RBMS3: variants seen among roughly 807,000 people sequenced by gnomAD.
The protein encoded by RBMS3 is RNA binding motif single stranded interacting protein 3.
In RBMS3, 27 loss-of-function variants were observed where a neutral mutation model predicts 66.8. That is an observed-to-expected ratio of 0.40 (90% CI 0.30 to 0.56). RBMS3 has a LOEUF of 0.56. Ranked by LOEUF, RBMS3 falls within the 20% of genes least tolerant of loss-of-function variation. The pLI is 0.40. For synonymous variants in RBMS3, 188 were observed against 183.0 expected, an observed-to-expected ratio of 1.03 and a Z score of -0.22; for missense variants, 513 against 549.5, an observed-to-expected ratio of 0.93 and a Z score of 0.66.
chr3:29,591,470 CA>C (rs1403880570), intron 4 of RBMS3, among the ~76,000 whole-genome samples: 33 of 152,272 alleles, frequency 2.2e-4, no homozygotes, highest in Admixed American at 1.8e-3. Context: ...AAATACATAT[CA>C]AATCCTGCTA....
At chr3:29,327,571 A>G (rs1027375743) in intron 1 of RBMS3, among the ~76,000 whole-genome samples, 1 of 152,172 alleles carries the variant, frequency 6.6e-6, no homozygotes, top group Non-Finnish European at 1.5e-5. Flanking sequence ...TAATAGCTTA[A>G]TAGCCTAGTC....
rs573609612 is a variant in RBMS3 at position 29,351,000 on chromosome 3, G to A, written c.75+69244G>A. ...TGCCTGCTTTTCTAGAAAATATTAT[G>A]TGTATATATATATATTTGCACATAT... is the stretch of plus-strand genomic sequence containing the variant. On this transcript the variant is annotated intron_variant, in intron 1 of 14. Coordinates refer to ENST00000383767, the MANE Select transcript of RBMS3 (RefSeq NM_001003793.3). Among the ~76,000 whole-genome samples, 466 of 151,844 alleles carry A rather than the reference G, an allele frequency of 3.1e-3. 2 individuals carry two copies. Among genetic ancestry groups the A allele is most frequent in the African/African-American group, 0.01 (416 of 41,300 alleles).
At chr3:29,810,731 G>A (rs2057706652) in intron 6 of RBMS3, among the ~76,000 whole-genome samples, 1 of 152,092 alleles carries the variant, frequency 6.6e-6, no homozygotes, top group Non-Finnish European at 1.5e-5. Flanking sequence ...AAATACCATA[G>A]TAATAATTAA....
At chr3:29,452,689 C>A (rs768584380) in intron 2 of RBMS3, among the ~76,000 whole-genome samples, 1 of 152,104 alleles carries the variant, frequency 6.6e-6, no homozygotes, top group Non-Finnish European at 1.5e-5. Flanking sequence ...AATTATTTGA[C>A]ATTTATTTGC....
chr3:29,950,178 T>G (rs1295004978), intron 12 of RBMS3, among the ~76,000 whole-genome samples: 1 of 151,840 alleles, frequency 6.6e-6, no homozygotes, highest in Non-Finnish European at 1.5e-5. Flanking sequence ...GCTGGAGATA[T>G]GACTACCCTC....
intron 4 of RBMS3, among the ~76,000 whole-genome samples, chr3:29,708,800 A>T (rs572664874): frequency 6.2e-4 from 94 of 152,326 alleles, no homozygotes; most frequent in African/African-American, 2.3e-3. Context: ...AGGATGTGTG[A>T]CACTGACATG....
chr3:29,814,190 AG>A (rs1410126966), intron 6 of RBMS3, among the ~76,000 whole-genome samples: 1 of 151,922 alleles, frequency 6.6e-6, no homozygotes, highest in Non-Finnish European at 1.5e-5. Flanking sequence ...TTTAGCATGA[AG>A]GGCTGTTGAA....
In RBMS3 at chr3:29,998,249, C is replaced by A. The variant is rs868706599; in HGVS notation, c.1308-5607C>A. 2.0e-3 allele frequency among the ~76,000 whole-genome samples: 297 copies of A among 152,202 alleles called. 2 individuals are homozygous for A. Among genetic ancestry groups the A allele is most frequent in the African/African-American group, 6.8e-3 (283 of 41,510 alleles). ...CTTCAAGGAGAACTACAAACCACTGCTCAATGAAATAAAAGAGGATACAAA... is the reference window on the plus strand; with the variant it reads ...CTTCAAGGAGAACTACAAACCACTGATCAATGAAATAAAAGAGGATACAAA... On this transcript the variant is annotated intron_variant, in intron 14 of 14. Coordinates refer to ENST00000383767, the MANE Select transcript of RBMS3 (RefSeq NM_001003793.3).
chr3:29,414,707 A>G (rs1370796), intron 1 of RBMS3, among the ~76,000 whole-genome samples: 46,139 of 151,998 alleles, frequency 0.3, 7,751 homozygotes, highest in East Asian at 0.46. Flanking sequence ...CAAATAACTC[A>G]GGGAAAAATG....
At chr3:29,356,681 C>G (rs1029236953) in intron 1 of RBMS3, among the ~76,000 whole-genome samples, 3 of 152,146 alleles carry the variant, frequency 2.0e-5, no homozygotes, top group Admixed American at 1.3e-4. Flanking sequence ...TTTACACATT[C>G]ATGTGATTGG....
At chr3:29,733,553 A>C (rs2054226842) in intron 4 of RBMS3, among the ~76,000 whole-genome samples, 1 of 152,020 alleles carries the variant, frequency 6.6e-6, no homozygotes, top group African/African-American at 2.4e-5. Context: ...TTCTGATAAT[A>C]GGCATTCTAA....
chr3:29,432,240 A>C (rs1207099204), intron 1 of RBMS3, among the ~76,000 whole-genome samples: 1 of 152,202 alleles, frequency 6.6e-6, no homozygotes, highest in Non-Finnish European at 1.5e-5. Flanking sequence ...ATTAAGAAGC[A>C]GATAAAGCTA....
intron 4 of RBMS3, among the ~76,000 whole-genome samples, chr3:29,663,331 T>C (rs893478281): frequency 3.9e-5 from 6 of 152,232 alleles, no homozygotes; most frequent in African/African-American, 1.4e-4. Flanking sequence ...TAGTAGCCTA[T>C]GTTACTGTCA....
chr3:29,549,933 C>T (rs1468798322), intron 3 of RBMS3, among the ~76,000 whole-genome samples: 2 of 151,974 alleles, frequency 1.3e-5, no homozygotes, highest in Non-Finnish European at 2.9e-5. Context: ...CTGTGCTTGT[C>T]CTTGCTCTTA....
intron 5 of RBMS3, among the ~76,000 whole-genome samples, chr3:29,759,275 T>TCA (rs1054162622): frequency 6.6e-6 from 1 of 152,152 alleles, no homozygotes; most frequent in African/African-American, 2.4e-5. Context: ...GCCAGTGTCC[T>TCA]AGGTACTGAG....
chr3:29,639,235 C>T (rs182056573), intron 4 of RBMS3, among the ~76,000 whole-genome samples: 46 of 151,654 alleles, frequency 3.0e-4, no homozygotes, highest in African/African-American at 1.1e-3. Context: ...TCTACTTTTA[C>T]AAAAAGTTAG....
chr3:29,429,291 T>C (rs1474755462), intron 1 of RBMS3, among the ~76,000 whole-genome samples: 1 of 152,212 alleles, frequency 6.6e-6, no homozygotes, highest in East Asian at 1.9e-4. Context: ...CTATAATTAT[T>C]AGGATTACTA....
chr3:29,915,011 A>AG (rs2060604129), intron 10 of RBMS3, among the ~76,000 whole-genome samples: 1 of 151,888 alleles, frequency 6.6e-6, no homozygotes, highest in Non-Finnish European at 1.5e-5. Flanking sequence ...CAAGCCTATA[A>AG]GAAAAATTTA....
At chr3:29,772,216 C>T (rs2056240116) in intron 6 of RBMS3, among the ~76,000 whole-genome samples, 2 of 151,986 alleles carry the variant, frequency 1.3e-5, no homozygotes, top group South Asian at 4.1e-4. Flanking sequence ...TTGCTGACAC[C>T]TTGATTTTAG....
Sources: allele counts gnomAD v4.1 joint callset (sites outside exome capture counted in the v4.1 genomes callset), GRCh38; gene constraint gnomAD v4.1.1; transcripts MANE v1.5; gene names NCBI Gene and HGNC (gene_info 2026-07-23, HGNC 2026-07-21).